KLF8: variants seen among roughly 807,000 people sequenced by gnomAD.
The protein encoded by KLF8 is Krueppel-like factor 8.
KLF8 carries 10 observed loss-of-function variants against 18.2 expected under a neutral mutation model. That is an observed-to-expected ratio of 0.55 (90% CI 0.34 to 0.93). The LOEUF (loss-of-function observed/expected upper bound fraction) is 0.93, where lower values mean the gene tolerates loss of function less well. KLF8 is among the 40% of genes least tolerant of loss of function. The pLI is 0.02. For missense variants in KLF8, 264 were observed against 277.9 expected (o/e 0.95, Z 0.36); for synonymous variants, 109 against 97.3 (o/e 1.12, Z -0.71).
At chrX:55,976,569 T>TACACACACACACACACAC in the KLF8 span, among the ~76,000 whole-genome samples, 3 of 102,569 alleles carry the variant, frequency 2.9e-5, no homozygotes, top group East Asian at 9.1e-4. Flanking sequence ...TCCATTTGTG[T>TACACACACACACACACAC]ACACACACAC....
chrX:55,968,220 T>C, the KLF8 span, among the ~76,000 whole-genome samples: 1 of 110,268 alleles, frequency 9.1e-6, no homozygotes, highest in East Asian at 2.8e-4. Flanking sequence ...AGGAATCAAA[T>C]AAAAAATGGC....
chrX:55,962,269 C>A, the KLF8 span: 1 of 184,715 alleles, frequency 5.4e-6, no homozygotes, highest in South Asian at 1.0e-4. Flanking sequence ...AGCTGGTCTC[C>A]AACCTAAAGA....
chrX:56,230,469 A>G (rs2066391919), upstream of KLF8, among the ~76,000 whole-genome samples: 2 of 112,157 alleles, frequency 1.8e-5, no homozygotes, highest in East Asian at 2.8e-4. Context: ...CCATCTCAAT[A>G]TATCTTACCT....
At chrX:55,952,333 G>A in the KLF8 span, among the ~76,000 whole-genome samples, 1 of 112,149 alleles carries the variant, frequency 8.9e-6, no homozygotes, top group Non-Finnish European at 1.9e-5. Context: ...TCCTATTGTT[G>A]CCGTAACAAG....
chrX:56,120,475 T>C, the KLF8 span, among the ~76,000 whole-genome samples: 2 of 112,153 alleles, frequency 1.8e-5, no homozygotes, highest in Admixed American at 9.4e-5. Context: ...TATTTGTCTG[T>C]GCTCTTGGTT....
the KLF8 span, among the ~76,000 whole-genome samples, chrX:56,018,231 C>A: frequency 9.0e-6 from 1 of 111,036 alleles, no homozygotes; most frequent in African/African-American, 3.3e-5. Flanking sequence ...ATTACAAACT[C>A]TCTGCCTCCA....
the KLF8 span, among the ~76,000 whole-genome samples, chrX:56,164,960 A>G: frequency 1.5e-5 from 1 of 65,051 alleles, no homozygotes. Context: ...TGTCCATGTG[A>G]TCTCATTGTT....
the KLF8 span, among the ~76,000 whole-genome samples, chrX:56,011,020 TGGGAGAGTTTTACA>T: frequency 8.9e-6 from 1 of 112,139 alleles, no homozygotes; most frequent in Non-Finnish European, 1.9e-5. Flanking sequence ...ACAATAATAC[TGGGAGAGTTTTACA>T]TGCCACTGAC....
chrX:56,277,116 C>G (rs910721859), intron 5 of KLF8, among the ~76,000 whole-genome samples: 17 of 111,969 alleles, frequency 1.5e-4, no homozygotes, highest in Non-Finnish European at 3.0e-4. Flanking sequence ...ATTTTGAATT[C>G]TCTTTCTGAA....
the KLF8 span, among the ~76,000 whole-genome samples, chrX:55,937,795 GA>G: frequency 8.9e-6 from 1 of 111,917 alleles, no homozygotes; most frequent in Non-Finnish European, 1.9e-5. Context: ...TGAAATGAAT[GA>G]AATGAAGGGA....
chrX:56,021,644 G>C, the KLF8 span, among the ~76,000 whole-genome samples: 1 of 107,255 alleles, frequency 9.3e-6, no homozygotes, highest in African/African-American at 3.4e-5. Context: ...TTTTTTTGAA[G>C]TTAAATAGCA....
chrX:56,036,325 G>A, the KLF8 span, among the ~76,000 whole-genome samples: 1 of 111,171 alleles, frequency 9.0e-6, no homozygotes, highest in Admixed American at 9.6e-5. Context: ...TTACATTAAG[G>A]TCTCTGATCC....
At chrX:56,184,944 G>A in the KLF8 span, among the ~76,000 whole-genome samples, 1 of 112,183 alleles carries the variant, frequency 8.9e-6, no homozygotes, top group Non-Finnish European at 1.9e-5. Context: ...AAGAAAAACT[G>A]GAAACTCTAA....
the KLF8 span, among the ~76,000 whole-genome samples, chrX:56,150,919 A>T: frequency 9.0e-6 from 1 of 111,616 alleles, no homozygotes; most frequent in African/African-American, 3.3e-5. Flanking sequence ...GTTGTTATAA[A>T]ATGCTAAAAT....
chrX:56,203,564 C>T, the KLF8 span, among the ~76,000 whole-genome samples: 3 of 111,984 alleles, frequency 2.7e-5, no homozygotes, highest in Non-Finnish European at 5.7e-5. Context: ...TTAAGATGTT[C>T]GATTCAAGTC....
At chrX:56,097,877 A>G in the KLF8 span, among the ~76,000 whole-genome samples, 41 of 109,364 alleles carry the variant, frequency 3.7e-4, 1 homozygote, top group Non-Finnish European at 6.7e-4. Context: ...GATCAGTAAC[A>G]AAGCAAGGAT....
chrX:56,268,568 G>A (rs1448940324), intron 3 of KLF8: 5 of 211,615 alleles, frequency 2.4e-5, no homozygotes, highest in African/African-American at 9.2e-5. Flanking sequence ...GTAGGATACC[G>A]ATACATGTAT....
At chrX:56,090,314 A>G in the KLF8 span, among the ~76,000 whole-genome samples, 3 of 111,974 alleles carry the variant, frequency 2.7e-5, no homozygotes, top group African/African-American at 9.8e-5. Flanking sequence ...AAAGCCTCAT[A>G]TTAAAAGCCT....
chrX:56,149,459 C>T, the KLF8 span, among the ~76,000 whole-genome samples: 1 of 110,300 alleles, frequency 9.1e-6, no homozygotes, highest in Admixed American at 9.8e-5. Flanking sequence ...GGGACAAGGG[C>T]TGAAAAGCTA....
Sources: gnomAD v4.1 joint callset for allele counts (sites outside exome capture counted in the v4.1 genomes callset) on GRCh38, gnomAD v4.1.1 for gene constraint, MANE v1.5 for transcripts, NCBI Gene and HGNC (gene_info 2026-07-23, HGNC 2026-07-21) for gene names.